Variants in KDM4C observed in about 807,000 individuals in gnomAD.
KDM4C encodes the protein lysine-specific demethylase 4C.
Under a neutral mutation model 129.3 loss-of-function variants are expected in KDM4C, and 81 were observed. The ratio of observed to expected loss-of-function variants is 0.63; its 90% CI spans 0.52 to 0.75. KDM4C has a LOEUF of 0.75. Ranked by LOEUF, KDM4C falls within the 30% of genes least tolerant of loss-of-function variation. The pLI is 0.00. For synonymous variants in KDM4C, 573 were observed against 456.1 expected, an observed-to-expected ratio of 1.26 and a Z score of -3.26; for missense variants, 1,457 against 1,304.0, an observed-to-expected ratio of 1.12 and a Z score of -1.81.
At chr9:6,764,792 T>C (rs1345528837) in intron 1 of KDM4C, among the ~76,000 whole-genome samples, 1 of 152,258 alleles carries the variant, frequency 6.6e-6, no homozygotes, top group African/African-American at 2.4e-5. Flanking sequence ...ATGACTTCTT[T>C]TTTTATATCT....
chr9:6,965,291 A>T (rs1830753164), intron 8 of KDM4C, among the ~76,000 whole-genome samples: 1 of 143,536 alleles, frequency 7.0e-6, no homozygotes, highest in South Asian at 2.1e-4. Flanking sequence ...CTAATACATG[A>T]TATATATATA....
At chr9:6,851,443 C>T (rs1838830050) in intron 5 of KDM4C, among the ~76,000 whole-genome samples, 1 of 152,078 alleles carries the variant, frequency 6.6e-6, no homozygotes, top group Non-Finnish European at 1.5e-5. Context: ...TGGTTAGGCT[C>T]CTGGACAGTT....
chr9:6,997,924 A>G (rs1820062446), intron 12 of KDM4C, among the ~76,000 whole-genome samples: 1 of 152,240 alleles, frequency 6.6e-6, no homozygotes, highest in Non-Finnish European at 1.5e-5. Context: ...TCAACACAGA[A>G]AGTTGGAAAG....
intron 4 of KDM4C, among the ~76,000 whole-genome samples, chr9:6,827,400 C>G (rs1248018935): frequency 6.6e-6 from 1 of 152,148 alleles, no homozygotes; most frequent in Non-Finnish European, 1.5e-5. Flanking sequence ...AGAATTTTGT[C>G]AAATCAAGAG....
chr9:7,005,395 G>A (rs118049245), intron 12 of KDM4C, among the ~76,000 whole-genome samples: 9,859 of 142,720 alleles, frequency 0.069, 495 homozygotes, highest in East Asian at 0.3. Flanking sequence ...AGATCAAGCC[G>A]TTGCACTCCA....
chr9:6,843,345 A>G (rs1474935134), intron 4 of KDM4C, among the ~76,000 whole-genome samples: 1 of 152,246 alleles, frequency 6.6e-6, no homozygotes, highest in African/African-American at 2.4e-5. Context: ...CCCATCTTTG[A>G]AAATGAAAAA....
At chr9:6,869,144 A>T (rs1842483395) in intron 5 of KDM4C, among the ~76,000 whole-genome samples, 1 of 152,210 alleles carries the variant, frequency 6.6e-6, no homozygotes, top group Admixed American at 6.5e-5. Flanking sequence ...AAGCTTAGTT[A>T]TTCCCTTCTT....
chr9:6,793,385 G>C (rs1237635195), intron 2 of KDM4C, among the ~76,000 whole-genome samples: 1 of 151,844 alleles, frequency 6.6e-6, no homozygotes, highest in Non-Finnish European at 1.5e-5. Flanking sequence ...GTGGCTGATG[G>C]AAACCAAGGA....
chr9:7,016,096 T>C (rs1356989871), intron 15 of KDM4C, among the ~76,000 whole-genome samples, 167 bp downstream of exon 15: 1 of 152,180 alleles, frequency 6.6e-6, no homozygotes, highest in Non-Finnish European at 1.5e-5. Flanking sequence ...CTGCTGGTTC[T>C]ATATCCATTA....
chr9:6,725,028 C>G (rs1817075806), intron 1 of KDM4C, among the ~76,000 whole-genome samples: 1 of 152,132 alleles, frequency 6.6e-6, no homozygotes, highest in South Asian at 2.1e-4. Context: ...TAGAGGCTCT[C>G]CTCATTCCTT....
chr9:6,800,853 C>G (rs985401097), intron 2 of KDM4C, among the ~76,000 whole-genome samples: 7 of 152,148 alleles, frequency 4.6e-5, no homozygotes, highest in Non-Finnish European at 7.3e-5. Flanking sequence ...GTCTCGAATT[C>G]CTGAGCTCTA....
At chr9:7,119,916 T>C (rs1441249950) in intron 18 of KDM4C, among the ~76,000 whole-genome samples, 1 of 152,190 alleles carries the variant, frequency 6.6e-6, no homozygotes, top group Non-Finnish European at 1.5e-5. Flanking sequence ...ATCAGCCATG[T>C]CTGTCTCTCT....
intron 1 of KDM4C, among the ~76,000 whole-genome samples, chr9:6,737,593 G>A (rs376682284): frequency 1.6e-4 from 24 of 149,928 alleles, no homozygotes; most frequent in African/African-American, 5.4e-4. Context: ...GAACCCGAGA[G>A]GCAGAGGTTG....
intron 1 of KDM4C, among the ~76,000 whole-genome samples, chr9:6,781,965 C>T (rs1037445382): frequency 1.3e-5 from 2 of 151,910 alleles, no homozygotes; most frequent in African/African-American, 4.8e-5. Flanking sequence ...GCTGGGATTA[C>T]GGGTGCCTGC....
At chr9:6,803,903 C>T (rs62567990) in intron 2 of KDM4C, among the ~76,000 whole-genome samples, 10,464 of 152,134 alleles carry the variant, frequency 0.069, 537 homozygotes, top group Non-Finnish European at 0.11. Flanking sequence ...CTCACTGCAG[C>T]CTCCACCTCC....
At chr9:6,850,532 G>A (rs55680249) in intron 5 of KDM4C, among the ~76,000 whole-genome samples, 9,714 of 147,946 alleles carry the variant, frequency 0.066, 440 homozygotes, top group East Asian at 0.21. Context: ...TGCAACCTCC[G>A]CTTCCTGGGT....
intron 19 of KDM4C, among the ~76,000 whole-genome samples, chr9:7,150,483 C>G (rs1261117011): frequency 1.3e-5 from 2 of 152,186 alleles, no homozygotes; most frequent in Non-Finnish European, 2.9e-5. Context: ...GTATTTGAGT[C>G]CCCAGCTGGA....
chr9:7,030,896 C>T (rs918449368), intron 15 of KDM4C, among the ~76,000 whole-genome samples: 109 of 152,174 alleles, frequency 7.2e-4, no homozygotes, highest in Admixed American at 7.1e-3. Flanking sequence ...GGTTGGAATT[C>T]TCATTCCATA....
chr9:6,957,324 A>G (rs575065985), intron 8 of KDM4C, among the ~76,000 whole-genome samples: 4 of 152,074 alleles, frequency 2.6e-5, no homozygotes, highest in East Asian at 1.9e-4. Context: ...TAACCCTACC[A>G]TCTATTTTCT....
Sources: gnomAD v4.1 joint callset for allele counts (sites outside exome capture counted in the v4.1 genomes callset) on GRCh38, gnomAD v4.1.1 for gene constraint, MANE v1.5 for transcripts, NCBI Gene and HGNC (gene_info 2026-07-23, HGNC 2026-07-21) for gene names.